CACUL1: variants seen among roughly 807,000 people sequenced by gnomAD.
CACUL1 encodes the protein CDK2-associated and cullin domain-containing protein 1.
CACUL1 carries 13 observed loss-of-function variants against 45.2 expected under a neutral mutation model. The ratio of observed to expected loss-of-function variants is 0.29; its 90% CI spans 0.19 to 0.46. The LOEUF (loss-of-function observed/expected upper bound fraction) is 0.46, where lower values mean the gene tolerates loss of function less well. Among genes scored for constraint, CACUL1 ranks in the 20% least tolerant of loss-of-function variants. The pLI is 1.00. For missense variants in CACUL1, 421 were observed against 471.4 expected, an observed-to-expected ratio of 0.89 and a Z score of 0.99; for synonymous variants, 197 against 174.2, an observed-to-expected ratio of 1.13 and a Z score of -1.03.
intron 8 of CACUL1, 99 bp downstream of exon 8, chr10:118,686,499 A>AT (rs1337595717): frequency 4.2e-6 from 4 of 953,936 alleles, no homozygotes; most frequent in Non-Finnish European, 6.8e-6. Flanking sequence ...TGAGAACAAC[A>AT]TGGGTATCAT....
chr10:118,708,596 T>A (rs936481906), intron 3 of CACUL1, among the ~76,000 whole-genome samples: 2 of 152,148 alleles, frequency 1.3e-5, no homozygotes, highest in African/African-American at 4.8e-5. Flanking sequence ...AATTCCTATG[T>A]TGAAGCCCTA....
At chr10:118,720,665 C>G (rs1039343343) in intron 3 of CACUL1, among the ~76,000 whole-genome samples, 3 of 152,120 alleles carry the variant, frequency 2.0e-5, no homozygotes, top group African/African-American at 7.2e-5. Context: ...AGTGGTAAAG[C>G]CAGCATATGT....
At chr10:118,716,165 G>A (rs529516410) in intron 3 of CACUL1, among the ~76,000 whole-genome samples, 11 of 151,698 alleles carry the variant, frequency 7.3e-5, no homozygotes, top group African/African-American at 2.4e-4. Context: ...CTGGGAGGTG[G>A]AGCTTGCAGT....
At chr10:118,753,493 C>A (rs1313362032) in intron 1 of CACUL1, among the ~76,000 whole-genome samples, 1 of 152,228 alleles carries the variant, frequency 6.6e-6, no homozygotes, top group Non-Finnish European at 1.5e-5. Flanking sequence ...TGGTCACAAT[C>A]ATTTTCAACA....
At chr10:118,723,224 A>AT (rs1185074533) in intron 3 of CACUL1, among the ~76,000 whole-genome samples, 1 of 151,404 alleles carries the variant, frequency 6.6e-6, no homozygotes, top group African/African-American at 2.4e-5. Flanking sequence ...AAATTATTCC[A>AT]TTTTTTCCCC....
At chr10:118,707,393 T>C (rs1025299978) in intron 4 of CACUL1, 99 bp downstream of exon 4, 3 of 539,260 alleles carry the variant, frequency 5.6e-6, no homozygotes, top group Admixed American at 3.5e-5. Context: ...AACACAAATG[T>C]AGTAAAAGAA....
At chr10:118,708,472 T>C (rs1845453956) in intron 3 of CACUL1, among the ~76,000 whole-genome samples, 1 of 152,142 alleles carries the variant, frequency 6.6e-6, no homozygotes, top group Non-Finnish European at 1.5e-5. Context: ...ACACAATGCA[T>C]TCCTCTATTA....
intron 3 of CACUL1, among the ~76,000 whole-genome samples, chr10:118,727,307 C>G: frequency 6.6e-6 from 1 of 151,322 alleles, no homozygotes; most frequent in East Asian, 1.9e-4. Context: ...GTGGGAGGAT[C>G]GCCTGAGCCC....
intron 3 of CACUL1, among the ~76,000 whole-genome samples, chr10:118,711,438 T>C (rs1053424726): frequency 6.6e-6 from 1 of 152,232 alleles, no homozygotes; most frequent in Non-Finnish European, 1.5e-5. Context: ...AATGGTTCCA[T>C]GTTATAGGCA....
intron 1 of CACUL1, among the ~76,000 whole-genome samples, chr10:118,745,575 A>G (rs569457482): frequency 6.6e-6 from 1 of 151,998 alleles, no homozygotes; most frequent in African/African-American, 2.4e-5. Flanking sequence ...AAAAAAATGG[A>G]GACAGGAAAA....
Position 118,754,763 on chromosome 10 carries a change from C to T in CACUL1, c.-1G>A. 3 of 1,554,918 alleles carry T rather than the reference C, an allele frequency of 1.9e-6. No homozygotes were observed. Among genetic ancestry groups the T allele is most frequent in the Admixed American group, 2.0e-5 (1 of 49,292 alleles). On this transcript the variant is annotated 5_prime_UTR_variant, in exon 1 of 9. Coordinates refer to ENST00000369151, the MANE Select transcript of CACUL1 (RefSeq NM_153810.5). ...CCTCCTCTTCCATGCTTTCCTCCAT[C>T]CTGCTGGCCCCCGGCACCCGCCCGC...
At chr10:118,707,729 C>T in intron 3 of CACUL1, 142 bp from the exon 4 acceptor site, 1 of 539,790 alleles carries the variant, frequency 1.9e-6, no homozygotes, top group Non-Finnish European at 3.2e-6. Context: ...AAGACACGTA[C>T]ACTCTGAAGG....
chr10:118,701,324 G>C lies in CACUL1; in HGVS notation c.778C>G (p.His260Asp). Reference protein sequence around the residue: ...KLFTEHVAEKHIYSLMPLLLE... With the variant: ...KLFTEHVAEKDIYSLMPLLLE... ...TACTTACGCATTAGGCTGTAAATGT[G>C]CTTTTCTGCAACATGTTCCGTAAAC... The change falls in exon 5 of 9, where the codon CAC becomes GAC. Residue 260 changes from histidine (H) to aspartate (D), a missense_variant. This residue lies in a region of CACUL1 where 208 missense variants were observed against 298.4 expected (regional missense o/e 0.70). Coordinates refer to ENST00000369151, the MANE Select transcript of CACUL1 (RefSeq NM_153810.5). 6.4e-7 allele frequency: 1 copy of C among 1,563,234 alleles called. No individual in the cohort carries two copies. Among genetic ancestry groups the C allele is most frequent in the Non-Finnish European group, 8.7e-7 (1 of 1,142,934 alleles).
At chr10:118,691,578 A>ATT in intron 6 of CACUL1, 175 bp from the exon 7 acceptor site, 1 of 594,678 alleles carries the variant, frequency 1.7e-6, no homozygotes, top group Non-Finnish European at 2.9e-6. Flanking sequence ...TCTAAAAAGA[A>ATT]TTTTACAGGC....
At chr10:118,708,169 A>G (rs1324958712) in intron 3 of CACUL1, among the ~76,000 whole-genome samples, 1 of 145,316 alleles carries the variant, frequency 6.9e-6, no homozygotes, top group Non-Finnish European at 1.5e-5. Flanking sequence ...AAAAAAAAAG[A>G]TGCACTCAAC....
intron 7 of CACUL1, among the ~76,000 whole-genome samples, chr10:118,689,805 T>C (rs992729297): frequency 3.9e-5 from 6 of 152,202 alleles, no homozygotes; most frequent in African/African-American, 7.2e-5. Context: ...GCAAACTCAA[T>C]ATGCTCAAAA....
chr10:118,728,314 TTTC>T (rs1369134651), intron 3 of CACUL1, among the ~76,000 whole-genome samples: 1 of 96,178 alleles, frequency 1.0e-5, no homozygotes, highest in African/African-American at 3.5e-5. Context: ...CTGAGTGACT[TTTC>T]TTTTTTTTTT....
In CACUL1 at chr10:118,754,467, G is replaced by C. The variant is rs754893900; in HGVS notation, c.296C>G (p.Ala99Gly). Residue 99 changes from alanine (A) to glycine (G), a missense_variant, in exon 1 of 9, where the codon GCC becomes GGC. Ala to Gly is a moderately conservative substitution (Grantham distance 60). Coordinates refer to ENST00000369151, the MANE Select transcript of CACUL1 (RefSeq NM_153810.5). ...GGGGGCGGGGGCCGCCTTGGCCACG[G>C]CGGCGGCCGCGTCGCAGCTCTTCAA... The part of the protein sequence containing the change: ...MMLKSCDAAA[A>G]VAKAAPAPTA... 6.2e-7 allele frequency: 1 copy of C among 1,607,324 alleles called. No homozygotes were observed. Among genetic ancestry groups the C allele is most frequent in the Non-Finnish European group, 8.5e-7 (1 of 1,177,440 alleles).
intron 1 of CACUL1, among the ~76,000 whole-genome samples, chr10:118,741,413 T>A (rs1358076365): frequency 2.0e-5 from 3 of 152,020 alleles, no homozygotes; most frequent in Non-Finnish European, 4.4e-5. Flanking sequence ...TACCAACTGC[T>A]TCTGGACCTC....
Sources: gnomAD v4.1 joint callset for allele counts (sites outside exome capture counted in the v4.1 genomes callset) on GRCh38, gnomAD v4.1.1 for gene constraint, gnomAD v4.1.1 regional missense constraint, MANE v1.5 for transcripts, NCBI Gene and HGNC (gene_info 2026-07-23, HGNC 2026-07-21) for gene names.